Variants in CROCC2 observed in about 807,000 individuals in gnomAD.
CROCC2 encodes ciliary rootlet coiled-coil protein 2.
A neutral mutation model predicts 177.6 loss-of-function variants in CROCC2; 163 were observed. The observed-to-expected ratio is 0.92, with a 90% CI of 0.81 to 1.05. CROCC2 has a LOEUF of 1.05. Ranked by LOEUF, CROCC2 falls within the 50% of genes least tolerant of loss-of-function variation. The pLI, the probability that CROCC2 is intolerant of heterozygous loss-of-function variation, is 0.00. For missense variants in CROCC2, 1,929 were observed against 1,797.8 expected (o/e 1.07, Z -1.32); for synonymous variants, 904 against 787.3 (o/e 1.15, Z -2.48).
chr2:240,942,868 T>G (rs568811872), intron 14 of CROCC2, among the ~76,000 whole-genome samples: 1 of 152,176 alleles, frequency 6.6e-6, no homozygotes, highest in Non-Finnish European at 1.5e-5. Flanking sequence ...GTCTTTTTTT[T>G]ATTATCTTTA....
intron 1 of CROCC2, among the ~76,000 whole-genome samples, chr2:240,909,549 G>A (rs541635223): frequency 6.6e-6 from 1 of 152,354 alleles, no homozygotes; most frequent in East Asian, 1.9e-4. Context: ...GAGGCGTAAG[G>A]GTTGGAGGGA....
intron 26 of CROCC2, 177 bp downstream of exon 26, chr2:240,967,642 G>A (rs1403068216): frequency 8.5e-6 from 8 of 937,214 alleles, no homozygotes; most frequent in Admixed American, 6.2e-5. Flanking sequence ...GCTTGGCATC[G>A]GAGTTCTCAG....
chr2:240,916,857 C>T (rs1437759850), intron 1 of CROCC2, among the ~76,000 whole-genome samples: 1 of 152,120 alleles, frequency 6.6e-6, no homozygotes, highest in African/African-American at 2.4e-5. Flanking sequence ...TGGGGTGCCT[C>T]TTGCCACCCT....
At position 240,918,828 on chromosome 2, in the gene CROCC2, C is replaced by T. The variant is rs559408100; in HGVS notation, c.181C>T (p.Arg61Cys). 23 of 631,006 alleles carry T rather than the reference C, an allele frequency of 3.6e-5. No individual in the cohort carries two copies. The highest frequency in any genetic ancestry group is 7.8e-5 in the Admixed American group (3 of 38,524). The allele number at this position is 631,006 out of a possible 1,614,324, so 39.1% of individuals were successfully genotyped here. A position where few individuals can be genotyped will look rare whatever the true frequency, so the allele number is the denominator to read the frequency against. Reference sequence around the variant, plus strand: ...GGCCTCGCCCACCCCCGTGCCCACCCGCATCCGTGAGATCGTGGCCGGCAG... The same window carrying T: ...GGCCTCGCCCACCCCCGTGCCCACCTGCATCCGTGAGATCGTGGCCGGCAG... ...RQASPTPVPT[R>C]IREIVAGSLS... The change falls in exon 2 of 32, where the codon CGC (arginine) becomes TGC (cysteine). Residue 61 changes from arginine (R) to cysteine (C), a missense_variant. By Grantham distance (180) the Arg-to-Cys change is radical. Transcript: ENST00000690015. The surrounding 1 kb of genome is among the most constrained non-coding windows in gnomAD (Gnocchi z 6.3).
chr2:240,936,829 T>C (rs1318016105), intron 14 of CROCC2, among the ~76,000 whole-genome samples: 1 of 152,222 alleles, frequency 6.6e-6, no homozygotes, highest in African/African-American at 2.4e-5. Flanking sequence ...TGTTGCATTG[T>C]GTGACACACA....
intron 6 of CROCC2, 64 bp downstream of exon 6, chr2:240,930,333 G>T: frequency 2.1e-6 from 1 of 468,448 alleles, no homozygotes; most frequent in East Asian, 3.5e-5. Context: ...ACCCCCTTGG[G>T]GAGGGGGAAA....
At position 240,907,683 on chromosome 2, in the gene CROCC2, G is replaced by T. The variant is rs575754421; in HGVS notation, c.78+1092G>T. Among the ~76,000 whole-genome samples, 4 of 152,266 alleles carry T rather than the reference G, an allele frequency of 2.6e-5. No homozygotes were observed. In the South Asian group the frequency reaches 8.3e-4, roughly 31 times the overall value. ...GAATCAGGCGATGCAACAAGACAAA[G>T]AGGTGCCGTGGGGTGAGCTCTACCT... On this transcript the variant is annotated intron_variant, in intron 1 of 31. Transcript: ENST00000690015.
chr2:240,949,131 GA>G lies in CROCC2; in HGVS notation c.2482+37del. The G allele has an allele frequency of 6.7e-7, 1 of 1,494,046 alleles. No individual in the cohort carries two copies. The highest frequency in any genetic ancestry group is 8.9e-7 in the Non-Finnish European group (1 of 1,123,456). The allele number at this position is 1,494,046 out of a possible 1,614,324, so 92.5% of individuals were successfully genotyped here. A position where few individuals can be genotyped will look rare whatever the true frequency, so the allele number is the denominator to read the frequency against. ...AGGGCGCTCCCTCAGCTCCTTCCCC[GA>G]AAGTCAGCCATGGAGGGGCCCCTGG... On this transcript the variant is annotated intron_variant, in intron 16 of 31. Transcript: ENST00000690015. This position sits in a 1 kb window ranked among gnomAD's most constrained non-coding sequence, Gnocchi z 4.5.
chr2:240,958,790 G>A lies in CROCC2; in HGVS notation c.2944-511G>A, dbSNP rs74001709. On this transcript the variant is annotated intron_variant, in intron 19 of 31. Coordinates refer to ENST00000690015, the MANE Select transcript of CROCC2 (RefSeq NM_001351305.2). The surrounding 1 kb of genome is among the most constrained non-coding windows in gnomAD (Gnocchi z 6.7). ...TTGAGAGGAAGCGGGGTGGTGTCCC[G>A]AGGGGCCTGGGGCTTGGGGTGAAGA... is the stretch of plus-strand genomic sequence containing the variant. Among the ~76,000 whole-genome samples the A allele has an allele frequency of 0.038, 5,797 of 152,282 alleles. 369 individuals carry two copies. The highest frequency in any genetic ancestry group is 0.13 in the African/African-American group (5,531 of 41,544).
At chr2:240,962,920 T>TC (rs1339810138) in intron 20 of CROCC2, among the ~76,000 whole-genome samples, 1 of 152,202 alleles carries the variant, frequency 6.6e-6, no homozygotes, top group East Asian at 1.9e-4. Flanking sequence ...ATGCCTGGTG[T>TC]CCGGAGCGGG....
At position 240,959,458 on chromosome 2, in the gene CROCC2, CT is replaced by C; in HGVS notation, c.3087+15del. 6.5e-7 allele frequency: 1 copy of C among 1,548,714 alleles called. No homozygotes were observed. Among genetic ancestry groups the C allele is most frequent in the East Asian group, 2.4e-5 (1 of 40,872 alleles). ...GTGGAGAGAGAGGTGAGAGGCAGGG[CT>C]GGGGGGCTCCTGGGGATGCCAGAGG... On this transcript the variant is annotated intron_variant, in intron 20 of 31. Transcript: ENST00000690015.
intron 1 of CROCC2, among the ~76,000 whole-genome samples, chr2:240,913,922 T>C (rs77810508): frequency 0.012 from 1,757 of 152,352 alleles, 28 homozygotes; most frequent in African/African-American, 0.04. Flanking sequence ...CCGGAGGCCC[T>C]GTCCTCAGAT....
chr2:240,934,551 C>T lies in CROCC2; in HGVS notation c.1791+76C>T. On this transcript the variant is annotated intron_variant, in intron 12 of 31. Transcript: ENST00000690015. ...ACCCTGGCCTCACTGACCTGGCCTC[C>T]CACTCCCTCTCTCCTGCCTGCCGGG... is the stretch of plus-strand genomic sequence containing the variant. The T allele has an allele frequency of 2.2e-6, 3 of 1,393,776 alleles. No homozygotes were observed. The South Asian group carries it at 4.2e-5, about 19-fold the overall frequency. 86.3% of individuals were successfully genotyped at this position (1,393,776 alleles called of 1,614,324 possible). A position where few individuals can be genotyped will look rare whatever the true frequency, so the allele number is the denominator to read the frequency against.
chr2:240,930,321 A>T, intron 6 of CROCC2, 52 bp downstream of exon 6: 1 of 486,840 alleles, frequency 2.1e-6, no homozygotes, highest in Non-Finnish European at 3.8e-6. Flanking sequence ...CAGGGAGCTG[A>T]AACCCCCTTG....
Position 240,958,254 on chromosome 2 carries a change from CAG to C in CROCC2, c.2944-1046_2944-1045del. On this transcript the variant is annotated intron_variant, in intron 19 of 31. Transcript: ENST00000690015. The surrounding 1 kb of genome is among the most constrained non-coding windows in gnomAD (Gnocchi z 6.7). ...CGATGCCCTGTCCCTGAGGCCCTCACAGGGGTATCCTGCAGCCAGGCCTCAGG... is the reference window on the plus strand; with the variant it reads ...CGATGCCCTGTCCCTGAGGCCCTCACGGGTATCCTGCAGCCAGGCCTCAGG... 1 of 931,714 alleles carries C rather than the reference CAG, an allele frequency of 1.1e-6. No individual in the cohort carries two copies. Among genetic ancestry groups the C allele is most frequent in the Non-Finnish European group, 1.3e-6 (1 of 780,838 alleles). 57.7% of individuals were successfully genotyped at this position (931,714 alleles called of 1,614,324 possible).
chr2:240,967,501 G>A (rs1227293986), intron 26 of CROCC2, 36 bp downstream of exon 26: 2 of 1,546,052 alleles, frequency 1.3e-6, no homozygotes, highest in East Asian at 4.9e-5. Context: ...CACCCTGGGA[G>A]TGGCTGTGAG....
intron 15 of CROCC2, among the ~76,000 whole-genome samples, chr2:240,947,340 A>G (rs2059529761): frequency 6.6e-6 from 1 of 152,120 alleles, no homozygotes; most frequent in Non-Finnish European, 1.5e-5. Context: ...GTCAGGGTCT[A>G]CTGCCCAGAA....
intron 17 of CROCC2, 61 bp from the exon 18 acceptor site, chr2:240,950,273 C>A: frequency 6.7e-7 from 1 of 1,498,842 alleles, no homozygotes; most frequent in South Asian, 1.3e-5. Context: ...CACTCAGGAC[C>A]ATAGACAACT....
At chr2:240,964,372 C>T (rs1372906075) in intron 21 of CROCC2, 94 bp from the exon 22 acceptor site, 27 of 1,415,182 alleles carry the variant, frequency 1.9e-5, no homozygotes, top group Non-Finnish European at 2.5e-5. Context: ...AAGACTGGGG[C>T]CAGTGCCTCA....
Sources: allele counts gnomAD v4.1 joint callset (sites outside exome capture counted in the v4.1 genomes callset), GRCh38; gene constraint gnomAD v4.1.1; non-coding constraint Gnocchi (gnomAD v3.1); transcripts MANE v1.5; gene names NCBI Gene and HGNC (gene_info 2026-07-23, HGNC 2026-07-21).